Variants in PELP1 observed in about 807,000 individuals in gnomAD.
The protein encoded by PELP1 is proline, glutamate and leucine rich protein 1.
PELP1 carries 32 observed loss-of-function variants against 95.5 expected under a neutral mutation model. The ratio of observed to expected loss-of-function variants is 0.34; its 90% confidence interval spans 0.25 to 0.45. The LOEUF (loss-of-function observed/expected upper bound fraction) is 0.45. PELP1 is among the 20% of genes least tolerant of loss of function. The pLI is 1.00. For missense variants in PELP1, 1,358 were observed against 1,444.8 expected (o/e 0.94, Z 0.97); for synonymous variants, 668 against 600.1 (o/e 1.11, Z -1.65).
chr17:4,682,201 AAG>A (rs1296160207), intron 5 of PELP1, among the ~76,000 whole-genome samples: 3 of 152,176 alleles, frequency 2.0e-5, no homozygotes, highest in Non-Finnish European at 4.4e-5. Flanking sequence ...AGGGCATTTT[AAG>A]AGATACAGAA....
chr17:4,672,179 C>G lies in PELP1; in HGVS notation c.2812G>C (p.Glu938Gln). Residue 938 changes from glutamate (E) to glutamine (Q), a missense_variant, in exon 16 of 17, where the codon GAA becomes CAA. Glu to Gln is a conservative substitution (Grantham distance 29). Around this residue, in one of 7 missense-constraint regions of PELP1, gnomAD observed 283 missense variants for 284.1 expected, o/e 1.00. Coordinates refer to ENST00000572293, the MANE Select transcript of PELP1 (RefSeq NM_014389.3). Reference sequence around the variant, plus strand: ...TCTTCTTCCTCTAACTCACCTTCTTCTTCCTCAAATTCTTCCTCAAACTCT... The same window carrying G: ...TCTTCTTCCTCTAACTCACCTTCTTGTTCCTCAAATTCTTCCTCAAACTCT... Reference protein sequence around the residue: ...EEEFEEEFEEEEGELEEEEEE... With the variant: ...EEEFEEEFEEQEGELEEEEEE... The G allele has an allele frequency of 6.4e-7, 1 of 1,552,156 alleles. No homozygotes were observed. Among genetic ancestry groups the G allele is most frequent in the Non-Finnish European group, 8.7e-7 (1 of 1,147,216 alleles).
chr17:4,695,024 T>C (rs1567668178), intron 1 of PELP1, among the ~76,000 whole-genome samples: 1 of 150,274 alleles, frequency 6.7e-6, no homozygotes, highest in East Asian at 2.0e-4. Flanking sequence ...TGAGACTCCA[T>C]TTCGAAAAAA....
chr17:4,702,647 GT>G (rs1913588972), intron 1 of PELP1, among the ~76,000 whole-genome samples: 1 of 152,144 alleles, frequency 6.6e-6, no homozygotes, highest in Non-Finnish European at 1.5e-5. Context: ...AGGGTTATCT[GT>G]GATAAATCTG....
intron 1 of PELP1, among the ~76,000 whole-genome samples, chr17:4,699,405 TAGG>T (rs1257170479): frequency 1.3e-5 from 2 of 151,950 alleles, no homozygotes; most frequent in African/African-American, 2.4e-5. Flanking sequence ...ATGGAGAATC[TAGG>T]AGAAGGGTAT....
intron 3 of PELP1, chr17:4,683,220 TC>T: frequency 3.5e-6 from 1 of 283,382 alleles, no homozygotes; most frequent in Non-Finnish European, 4.8e-6. Flanking sequence ...TGAAGAGTTT[TC>T]TTTTTTTTTT....
At position 4,672,207 on chromosome 17, in the gene PELP1, T is replaced by C; in HGVS notation, c.2784A>G (p.Glu928=). Reference sequence around the variant, plus strand: ...CCTCAAATTCTTCCTCAAACTCTTCTTCCTCCTCTTCTTCCTCTTCAAAAT... The same window carrying C: ...CCTCAAATTCTTCCTCAAACTCTTCCTCCTCCTCTTCTTCCTCTTCAAAAT... ...EEYFEEEEEE[E]EEFEEEFEEE... is the part of the protein sequence containing the mutation. Residue 928 remains glutamate, a synonymous_variant, in exon 16 of 17, where the codon GAA becomes GAG. Coordinates refer to ENST00000572293, the MANE Select transcript of PELP1 (RefSeq NM_014389.3). 1 of 1,552,560 alleles carries C rather than the reference T, an allele frequency of 6.4e-7. No individual in the cohort carries two copies. Among genetic ancestry groups the C allele is most frequent in the Non-Finnish European group, 8.7e-7 (1 of 1,147,414 alleles).
chr17:4,672,743 T>A lies in PELP1; in HGVS notation c.2248A>T (p.Ile750Leu), dbSNP rs774512776. 4.3e-6 allele frequency: 7 copies of A among 1,613,194 alleles called. No homozygotes were observed. The East Asian group carries it at 1.6e-4, about 36-fold the overall frequency. ...LAPSGTPPPT[I>L]PPDETFGGRV... The stretch of plus-strand genomic sequence containing the variant: ...CCCCCAAAAGTTTCATCTGGGGGTA[T>A]AGTAGGTGGGGGAGTCCCACTAGGG... Residue 750 changes from isoleucine (I) to leucine (L), a missense_variant, in exon 16 of 17, where the codon ATA (isoleucine) becomes TTA (leucine). Coordinates refer to ENST00000572293, the MANE Select transcript of PELP1 (RefSeq NM_014389.3).
At chr17:4,685,825 G>A (rs1912890997) in intron 3 of PELP1, among the ~76,000 whole-genome samples, 2 of 150,230 alleles carry the variant, frequency 1.3e-5, no homozygotes, top group African/African-American at 4.9e-5. Flanking sequence ...GGCTGGGCTT[G>A]GTAGCTCACA....
At position 4,675,276 on chromosome 17, in the gene PELP1, G is replaced by A. The variant is rs770129436; in HGVS notation, c.1155C>T (p.Leu385=). 36 of 1,578,254 alleles carry A rather than the reference G, an allele frequency of 2.3e-5. No individual in the cohort carries two copies. The highest frequency in any genetic ancestry group is 1.7e-4 in the Middle Eastern group (1 of 6,026). ...EALDLLSALI[L]ACGSRLLRFG... ...ACAGCCAGCCCAATCCCACTCACGC[G>A]AGGATGAGTGCAGACAGCAGGTCCA... Residue 385 remains leucine, a splice_region_variant and synonymous_variant, in exon 10 of 17, where the codon CTC becomes CTT. Transcript: ENST00000572293. The surrounding 1 kb of genome is among the most constrained non-coding windows in gnomAD (Gnocchi z 4.3).
Position 4,672,872 on chromosome 17 carries a change from T to C in PELP1, c.2119A>G (p.Asn707Asp), listed in dbSNP as rs778363267. The change falls in exon 16 of 17, where the codon AAC becomes GAC. Residue 707 changes from asparagine to aspartate, a missense_variant. Physicochemically the swap from Asn to Asp is conservative, Grantham distance 23. Coordinates refer to ENST00000572293, the MANE Select transcript of PELP1 (RefSeq NM_014389.3). ...CCTGGGACAGAAAGGCCTAGGTGGTTGGCTGTGGTGGGAGGTCCAGGGCGT... is the reference window on the plus strand; with the variant it reads ...CCTGGGACAGAAAGGCCTAGGTGGTCGGCTGTGGTGGGAGGTCCAGGGCGT... ...SARPGPPTTANHLGLSVPGLV... is the reference protein window; with the variant it reads ...SARPGPPTTADHLGLSVPGLV... The C allele has an allele frequency of 6.2e-7, 1 of 1,613,776 alleles. No homozygotes were observed. The highest frequency in any genetic ancestry group is 1.7e-5 in the Admixed American group (1 of 60,010).
rs1382392701 is a variant in PELP1, at chr17:4,690,428, A to AAT, written c.420+458_420+459dup. Among the ~76,000 whole-genome samples, 6 of 152,082 alleles carry AAT rather than the reference A, an allele frequency of 3.9e-5. No homozygotes were observed. In the East Asian group the frequency reaches 9.7e-4, roughly 25 times the overall value. ...TGTTCCCCAAAACTACTGAAATAAA[A>AAT]ATATATATATAGGCTGGGCACAGTG... is the stretch of plus-strand genomic sequence containing the variant. On this transcript the variant is annotated intron_variant, in intron 3 of 16. Transcript: ENST00000572293.
At position 4,674,940 on chromosome 17, in the gene PELP1, C is replaced by T; in HGVS notation, c.1291G>A (p.Val431Met). 1.2e-6 allele frequency: 2 copies of T among 1,612,654 alleles called. No homozygotes were observed. Among genetic ancestry groups the T allele is most frequent in the Non-Finnish European group, 1.7e-6 (2 of 1,179,002 alleles). ...ACCCACAGCTCTAATATCGCATACA[C>T]CTTGGTCCGAACCGTGCTGTGTCAT... is the stretch of plus-strand genomic sequence containing the variant. ...ERPYSTVRTKVYAILELWVQV... is the reference protein window; with the variant it reads ...ERPYSTVRTKMYAILELWVQV... The change falls in exon 12 of 17, where the codon GTG (valine) becomes ATG (methionine). Residue 431 changes from valine (V) to methionine (M), a missense_variant. Transcript: ENST00000572293.
chr17:4,674,395 G>T, intron 13 of PELP1, 115 bp downstream of exon 13: 2 of 932,470 alleles, frequency 2.1e-6, no homozygotes, highest in Non-Finnish European at 1.7e-6. Context: ...GGCTGGTCTA[G>T]GCACTCTCCC....
chr17:4,676,928 A>G (rs1794837112), intron 5 of PELP1, 116 bp from the exon 6 acceptor site: 5 of 773,916 alleles, frequency 6.5e-6, no homozygotes, highest in South Asian at 1.7e-5. Flanking sequence ...TCCTGTAGAC[A>G]CAAGAAGCAA....
intron 1 of PELP1, 26 bp from the exon 2 acceptor site, chr17:4,691,468 A>G (rs1158700196): frequency 6.3e-7 from 1 of 1,580,234 alleles, no homozygotes; most frequent in South Asian, 1.1e-5. Context: ...CAGGGAAGCG[A>G]GTCACAAACG....
intron 6 of PELP1, 89 bp from the exon 7 acceptor site, chr17:4,676,596 G>A: frequency 1.3e-6 from 2 of 1,509,510 alleles, no homozygotes. Flanking sequence ...AAGAGATGGA[G>A]ATCAGAGAGA....
rs1265680240 is a variant in PELP1 at position 4,672,893 on chromosome 17, G to A, written c.2098C>T (p.Pro700Ser). Reference sequence around the variant, plus strand: ...TGGTTGGCTGTGGTGGGAGGTCCAGGGCGTGCCGAGGGCACAGGGCCTGCT... The same window carrying A: ...TGGTTGGCTGTGGTGGGAGGTCCAGAGCGTGCCGAGGGCACAGGGCCTGCT... ...PSAGPVPSAR[P>S]GPPTTANHLG... Residue 700 changes from proline (P) to serine (S), a missense_variant, in exon 16 of 17, where the codon CCT (proline) becomes TCT (serine). This residue lies in a region of PELP1 where 340 missense variants were observed against 322.9 expected (regional missense o/e 1.05). Transcript: ENST00000572293. The A allele has an allele frequency of 6.2e-7, 1 of 1,613,838 alleles. No individual in the cohort carries two copies. Among genetic ancestry groups the A allele is most frequent in the Admixed American group, 1.7e-5 (1 of 60,008 alleles).
At position 4,675,303 on chromosome 17, in the gene PELP1, G is replaced by T; in HGVS notation, c.1128C>A (p.Ala376=). The change falls in exon 10 of 17, where the codon GCC becomes GCA. Residue 376 remains alanine (A), a synonymous_variant. Coordinates refer to ENST00000572293, the MANE Select transcript of PELP1 (RefSeq NM_014389.3). The surrounding 1 kb of genome is among the most constrained non-coding windows in gnomAD (Gnocchi z 4.3). ...LLLLPSIHLE[A]LDLLSALILA... ...GGATGAGTGCAGACAGCAGGTCCAAGGCCTCAAGGTGGATAGAGGGCAGCA... is the reference window on the plus strand; with the variant it reads ...GGATGAGTGCAGACAGCAGGTCCAATGCCTCAAGGTGGATAGAGGGCAGCA... 1 of 1,569,382 alleles carries T rather than the reference G, an allele frequency of 6.4e-7. No individual in the cohort carries two copies. The highest frequency in any genetic ancestry group is 8.6e-7 in the Non-Finnish European group (1 of 1,157,298).
chr17:4,699,585 G>A (rs1913436168), intron 1 of PELP1, among the ~76,000 whole-genome samples: 1 of 152,128 alleles, frequency 6.6e-6, no homozygotes, highest in South Asian at 2.1e-4. Flanking sequence ...AGTAGCTAGA[G>A]GGTGATTTGT....
Sources: allele counts gnomAD v4.1 joint callset (sites outside exome capture counted in the v4.1 genomes callset), GRCh38; gene constraint gnomAD v4.1.1; regional missense constraint gnomAD v4.1.1; non-coding constraint Gnocchi (gnomAD v3.1); transcripts MANE v1.5; gene names NCBI Gene and HGNC (gene_info 2026-07-23, HGNC 2026-07-21).